The following CD8B2 variants were observed in gnomAD, a reference collection of about 807,000 sequenced individuals.
The protein encoded by CD8B2 is T-cell surface glycoprotein CD8 beta-2 chain.
In CD8B2, 11 loss-of-function variants were observed where a neutral mutation model predicts 23.7. That is an observed-to-expected ratio of 0.46 (90% CI 0.29 to 0.77). CD8B2 has a LOEUF of 0.77. CD8B2 is among the 30% of genes least tolerant of loss of function. The pLI is 0.09. For synonymous variants in CD8B2, 90 were observed against 109.3 expected (o/e 0.82, Z 1.10); for missense variants, 197 against 270.5 (o/e 0.73, Z 1.91).
At chr2:106,514,629 A>G (rs1679698626), downstream of CD8B2, among the ~76,000 whole-genome samples, 1 of 151,732 alleles carries the variant, frequency 6.6e-6, no homozygotes, top group South Asian at 2.1e-4. Context: ...ATTGTGACAT[A>G]CAGGGCTGTT....
chr2:106,499,445 T>C (rs1679359630), intron 3 of CD8B2, among the ~76,000 whole-genome samples: 1 of 148,452 alleles, frequency 6.7e-6, no homozygotes, highest in Admixed American at 6.9e-5. Context: ...GGCAGGAGAA[T>C]CGCTTGAACC....
chr2:106,517,749 G>A (rs1238608096), intron 5 of CD8B2, among the ~76,000 whole-genome samples: 2 of 151,518 alleles, frequency 1.3e-5, no homozygotes, highest in Non-Finnish European at 2.9e-5. Context: ...GTGTCGCTCC[G>A]TCGCCCAGGC....
Position 106,517,902 on chromosome 2 carries a change from G to T in CD8B2, c.620+13577G>T, listed in dbSNP as rs145799626. Among the ~76,000 whole-genome samples, 4 of 152,196 alleles carry T rather than the reference G, an allele frequency of 2.6e-5. No homozygotes were observed. The East Asian group carries it at 7.8e-4, about 30-fold the overall frequency. ...TAATTTTTTTTGTAATTTTAGTAGA[G>T]ACGGGGTTTCACCGTGTTAGCCAGG... On this transcript the variant is annotated intron_variant, in intron 5 of 5. Transcript: ENST00000416057.
intron 5 of CD8B2, among the ~76,000 whole-genome samples, chr2:106,533,497 C>A (rs1369420124): frequency 1.3e-5 from 2 of 152,078 alleles, no homozygotes; most frequent in Non-Finnish European, 2.9e-5. Flanking sequence ...AGACCCCGTG[C>A]TACACAGGGT....
At chr2:106,490,072 G>A (rs1393005048) in intron 1 of CD8B2, among the ~76,000 whole-genome samples, 4 of 152,076 alleles carry the variant, frequency 2.6e-5, no homozygotes, top group South Asian at 2.1e-4. Flanking sequence ...CTGGGCTCGG[G>A]GGTCATGGGC....
chr2:106,537,301 G>C (rs1680105065), intron 5 of CD8B2, among the ~76,000 whole-genome samples: 1 of 151,974 alleles, frequency 6.6e-6, no homozygotes, highest in African/African-American at 2.4e-5. Flanking sequence ...TCATACCCTG[G>C]AGACAACTTT....
At chr2:106,501,112 AG>A (rs1477619624) in intron 3 of CD8B2, among the ~76,000 whole-genome samples, 8 of 152,200 alleles carry the variant, frequency 5.3e-5, no homozygotes, top group African/African-American at 1.7e-4. Context: ...TCTGGGGTTT[AG>A]TAGTTCCCGT....
chr2:106,499,531 C>CAA (rs58020024), intron 3 of CD8B2, among the ~76,000 whole-genome samples: 5 of 87,126 alleles, frequency 5.7e-5, no homozygotes, highest in Admixed American at 1.2e-4. Flanking sequence ...GACCCTGTCT[C>CAA]AAAAAAAAAA....
chr2:106,489,327 C>T (rs989015827), intron 1 of CD8B2, among the ~76,000 whole-genome samples: 1 of 151,458 alleles, frequency 6.6e-6, no homozygotes, highest in Non-Finnish European at 1.5e-5. Flanking sequence ...TTGATGCGAG[C>T]GAAAGCTAAG....
chr2:106,544,111 A>C (rs1680216929), exon 6 of CD8B2: 1 of 398,600 alleles, frequency 2.5e-6, no homozygotes, highest in African/African-American at 2.1e-5. Context: ...TATCATCAAT[A>C]ATTGCAGGAC....
At chr2:106,488,349 T>C (rs1358654004) in intron 1 of CD8B2, among the ~76,000 whole-genome samples, 1 of 151,654 alleles carries the variant, frequency 6.6e-6, no homozygotes, top group East Asian at 1.9e-4. Context: ...GAGGGGAACA[T>C]GCAGTGAGGC....
intron 2 of CD8B2, among the ~76,000 whole-genome samples, chr2:106,491,771 A>T (rs1208862956): frequency 6.6e-6 from 1 of 151,734 alleles, no homozygotes; most frequent in Non-Finnish European, 1.5e-5. Flanking sequence ...TGGGTCTCGA[A>T]CTCCTGACCT....
chr2:106,517,906 G>T (rs1679756598), intron 5 of CD8B2, among the ~76,000 whole-genome samples: 1 of 152,012 alleles, frequency 6.6e-6, no homozygotes, highest in African/African-American at 2.4e-5. Flanking sequence ...AGTAGAGACG[G>T]GGTTTCACCG....
chr2:106,530,067 G>C (rs1301672613), intron 5 of CD8B2, among the ~76,000 whole-genome samples: 1 of 152,258 alleles, frequency 6.6e-6, no homozygotes, highest in African/African-American at 2.4e-5. Context: ...TGTAGGAACA[G>C]AAGGTAGTGG....
chr2:106,499,202 T>A (rs1010765573), intron 3 of CD8B2, among the ~76,000 whole-genome samples: 1 of 152,060 alleles, frequency 6.6e-6, no homozygotes, highest in Non-Finnish European at 1.5e-5. Flanking sequence ...GCCCTGTACA[T>A]CCCTGCGACC....
chr2:106,491,741 A>G (rs1471550746), intron 2 of CD8B2, among the ~76,000 whole-genome samples: 1 of 151,762 alleles, frequency 6.6e-6, no homozygotes, highest in Non-Finnish European at 1.5e-5. Flanking sequence ...TGGAGACGAG[A>G]TTTCACCATG....
chr2:106,504,450 G>C, intron 5 of CD8B2, 125 bp downstream of exon 5: 1 of 1,529,032 alleles, frequency 6.5e-7, no homozygotes. Flanking sequence ...GGCCGGGCGT[G>C]GTAGTGCACA....
Position 106,487,484 on chromosome 2 carries a change from C to A in CD8B2, c.43+15C>A. Reference sequence around the variant, plus strand: ...GCAGCTGACAGGTAAGGCGGCGGCGCGCGGGCTGCCCAAGGTCTGCGCTCC... The same window carrying A: ...GCAGCTGACAGGTAAGGCGGCGGCGAGCGGGCTGCCCAAGGTCTGCGCTCC... On this transcript the variant is annotated intron_variant, in intron 1 of 5. Transcript: ENST00000643224. 4.0e-6 allele frequency: 5 copies of A among 1,240,394 alleles called. No homozygotes were observed. The highest frequency in any genetic ancestry group is 5.0e-6 in the Non-Finnish European group (5 of 991,802). The allele number at this position is 1,240,394 out of a possible 1,614,324, so 76.8% of individuals were successfully genotyped here.
At chr2:106,520,755 A>T (rs1227787290) in intron 5 of CD8B2, among the ~76,000 whole-genome samples, 1 of 152,146 alleles carries the variant, frequency 6.6e-6, no homozygotes, top group Non-Finnish European at 1.5e-5. Flanking sequence ...CTGTAATCCC[A>T]GCTACTCGGG....
Sources: gnomAD v4.1 joint callset for allele counts (sites outside exome capture counted in the v4.1 genomes callset) on GRCh38, gnomAD v4.1.1 for gene constraint, MANE v1.5 for transcripts, NCBI Gene and HGNC (gene_info 2026-07-23, HGNC 2026-07-21) for gene names.